Variants in GRIK4 observed in about 807,000 individuals in gnomAD.
The protein encoded by GRIK4 is glutamate ionotropic receptor kainate type subunit 4.
Under a neutral mutation model 104.9 loss-of-function variants are expected in GRIK4, and 40 were observed. That is an observed-to-expected ratio of 0.38 (90% CI 0.30 to 0.50). GRIK4 has a LOEUF of 0.50. Among genes scored for constraint, GRIK4 ranks in the 20% least tolerant of loss-of-function variants. The pLI is 0.93. For synonymous variants in GRIK4, 485 were observed against 524.9 expected (o/e 0.92, Z 1.04); for missense variants, 1,047 against 1,308.1 (o/e 0.80, Z 3.08).
chr11:120,922,678 A>G (rs2850805), intron 13 of GRIK4, among the ~76,000 whole-genome samples: 84,732 of 152,036 alleles, frequency 0.56, 25,281 homozygotes, highest in African/African-American at 0.78. Flanking sequence ...CTTGTCAGGA[A>G]CAACTGACAT....
chr11:120,619,474 T>C (rs1949158202), intron 1 of GRIK4, among the ~76,000 whole-genome samples: 1 of 152,200 alleles, frequency 6.6e-6, no homozygotes. Flanking sequence ...TATTTTCCAA[T>C]GTAAGAAGGA....
At chr11:120,562,267 T>C (rs1203099065) in intron 1 of GRIK4, among the ~76,000 whole-genome samples, 6 of 152,212 alleles carry the variant, frequency 3.9e-5, no homozygotes, top group Non-Finnish European at 7.3e-5. Context: ...TTTCACTAAC[T>C]CCAAAGCCGA....
chr11:120,853,374 G>A (rs758315583), intron 8 of GRIK4, among the ~76,000 whole-genome samples: 4 of 152,196 alleles, frequency 2.6e-5, no homozygotes, highest in African/African-American at 4.8e-5. Context: ...CATGGAGAAG[G>A]AACTTGGAGA....
At chr11:120,909,369 T>C (rs1942942493) in intron 13 of GRIK4, among the ~76,000 whole-genome samples, 1 of 152,198 alleles carries the variant, frequency 6.6e-6, no homozygotes, top group African/African-American at 2.4e-5. Flanking sequence ...TGTTTGCTAG[T>C]ACAAAGAATA....
intron 1 of GRIK4, among the ~76,000 whole-genome samples, chr11:120,595,046 G>A (rs866045960): frequency 6.6e-6 from 1 of 152,200 alleles, no homozygotes; most frequent in Non-Finnish European, 1.5e-5. Context: ...CCACAAAGTT[G>A]CCATCCTCCT....
chr11:120,621,858 T>C (rs1949193642), intron 1 of GRIK4, among the ~76,000 whole-genome samples: 1 of 152,092 alleles, frequency 6.6e-6, no homozygotes, highest in Non-Finnish European at 1.5e-5. Flanking sequence ...GGGTATAGCT[T>C]GTGCTTGTCT....
At chr11:120,618,084 A>T (rs1434184721) in intron 1 of GRIK4, among the ~76,000 whole-genome samples, 1 of 152,190 alleles carries the variant, frequency 6.6e-6, no homozygotes, top group Admixed American at 6.5e-5. Flanking sequence ...CCAAATGCAG[A>T]TAGTGATATG....
At chr11:120,670,900 C>T (rs1950006287) in intron 3 of GRIK4, among the ~76,000 whole-genome samples, 2 of 152,050 alleles carry the variant, frequency 1.3e-5, no homozygotes, top group Non-Finnish European at 2.9e-5. Flanking sequence ...GTTCCCCTTC[C>T]TGTGCCCATA....
At chr11:120,711,162 C>T (rs1291152043) in intron 3 of GRIK4, among the ~76,000 whole-genome samples, 2 of 152,278 alleles carry the variant, frequency 1.3e-5, no homozygotes, top group African/African-American at 2.4e-5. Context: ...GTGCCTTCCT[C>T]GAGAGACATC....
chr11:120,978,976 G>A (rs2155094), intron 19 of GRIK4, among the ~76,000 whole-genome samples: 54,810 of 152,056 alleles, frequency 0.36, 10,298 homozygotes, highest in Admixed American at 0.45. Context: ...TGACCACAGC[G>A]AGGGTGGTTT....
chr11:120,788,764 C>T (rs1024297283), intron 3 of GRIK4, among the ~76,000 whole-genome samples: 1 of 152,010 alleles, frequency 6.6e-6, no homozygotes, highest in East Asian at 1.9e-4. Context: ...TTTAAACACC[C>T]TTCCTTGGAG....
At position 120,967,468 on chromosome 11, in the gene GRIK4, G is replaced by A. The variant is rs934454895; in HGVS notation, c.2395+145G>A. ...GAACCTAGGTATAAAGTGGGCTGGC[G>A]GGGGATCAGGTCTGTCCCAGGGTCT... is the stretch of plus-strand genomic sequence containing the variant. On this transcript the variant is annotated intron_variant, in intron 19 of 20. Transcript: ENST00000527524. This position sits in a 1 kb window ranked among gnomAD's most constrained non-coding sequence, Gnocchi z 4.2. The A allele has an allele frequency of 1.3e-6, 1 of 797,166 alleles. No homozygotes were observed. The highest frequency in any genetic ancestry group is 1.9e-6 in the Non-Finnish European group (1 of 526,462). The allele number at this position is 797,166 out of a possible 1,614,324, so 49.4% of individuals were successfully genotyped here. A position where few individuals can be genotyped will look rare whatever the true frequency, so the allele number is the denominator to read the frequency against.
At chr11:120,748,666 CT>C (rs1250821602) in intron 3 of GRIK4, among the ~76,000 whole-genome samples, 1 of 152,228 alleles carries the variant, frequency 6.6e-6, no homozygotes, top group East Asian at 1.9e-4. Context: ...TGGCCTCCCC[CT>C]ATACCTCACA....
chr11:120,603,907 A>T (rs1313365315), intron 1 of GRIK4, among the ~76,000 whole-genome samples: 2 of 150,536 alleles, frequency 1.3e-5, no homozygotes, highest in African/African-American at 4.9e-5. Context: ...GCGGTGGCTC[A>T]TGCCTATAAC....
At chr11:120,837,912 G>A (rs539502811) in intron 8 of GRIK4, among the ~76,000 whole-genome samples, 8 of 152,276 alleles carry the variant, frequency 5.3e-5, no homozygotes, top group African/African-American at 1.9e-4. Flanking sequence ...AGGCAGGCCA[G>A]TGCCAGCCTG....
chr11:120,858,072 C>G (rs1954163897), intron 8 of GRIK4, among the ~76,000 whole-genome samples: 1 of 152,132 alleles, frequency 6.6e-6, no homozygotes, highest in African/African-American at 2.4e-5. Flanking sequence ...CAGGATATCC[C>G]TTCCTGGGAT....
At position 120,736,796 on chromosome 11, in the gene GRIK4, C is replaced by T. The variant is rs188064317; in HGVS notation, c.83-65897C>T. Among the ~76,000 whole-genome samples, 646 of 152,122 alleles carry T rather than the reference C, an allele frequency of 4.2e-3. 5 individuals are homozygous for T. Among genetic ancestry groups the T allele is most frequent in the African/African-American group, 0.015 (603 of 41,480 alleles). On this transcript the variant is annotated intron_variant, in intron 3 of 20. Coordinates refer to ENST00000527524, the MANE Select transcript of GRIK4 (RefSeq NM_014619.5). ...TCTCTCTCTCTCCCCTCACCCTGCC[C>T]ACCTCTGTTCACTGAAAAAGGCCTA...
In GRIK4 at chr11:120,802,698, ATC is replaced by A; in HGVS notation, c.90_91del (p.Leu31GlyfsTer26). On this transcript the variant is annotated frameshift_variant, in exon 4 of 21. Coordinates refer to ENST00000527524, the MANE Select transcript of GRIK4 (RefSeq NM_014619.5). LOFTEE classifies it high-confidence loss of function. ...CSPHSLRIAA[I>X]LDDPMECSRG... ...ATGTGGTTGCCTGCCCACAGCTGCT[ATC>A]TTGGACGACCCCATGGAGTGCAGCA... is the stretch of plus-strand genomic sequence containing the variant. 6.2e-7 allele frequency: 1 copy of A among 1,613,734 alleles called. No individual in the cohort carries two copies. Among genetic ancestry groups the A allele is most frequent in the Non-Finnish European group, 8.5e-7 (1 of 1,179,872 alleles).
chr11:120,524,396 G>A lies in GRIK4; in HGVS notation c.-159+12509G>A, dbSNP rs1329888336. ...AGCTTGGATGGGCCGCCTTCGACTC[G>A]CAGATGTATGGGATTGAAAAGTCAA... On this transcript the variant is annotated intron_variant, in intron 1 of 20. Coordinates refer to ENST00000527524, the MANE Select transcript of GRIK4 (RefSeq NM_014619.5). This position sits in a 1 kb window ranked among gnomAD's most constrained non-coding sequence, Gnocchi z 4.5. Among the ~76,000 whole-genome samples, 3 of 152,156 alleles carry A rather than the reference G, an allele frequency of 2.0e-5. No homozygotes were observed. The highest frequency in any genetic ancestry group is 7.2e-5 in the African/African-American group (3 of 41,442).
Sources: allele counts gnomAD v4.1 joint callset (sites outside exome capture counted in the v4.1 genomes callset), GRCh38; gene constraint gnomAD v4.1.1; non-coding constraint Gnocchi (gnomAD v3.1); transcripts MANE v1.5; gene names NCBI Gene and HGNC (gene_info 2026-07-23, HGNC 2026-07-21).